Variants in FIRRM observed in about 807,000 individuals in gnomAD.
FIRRM encodes the protein FIGNL1 interacting regulator of recombination and mitosis, also known as FIGNL1-interacting regulator of recombination and mitosis.
At chr1:169,823,364 GAC>G in the FIRRM span, 2 of 1,204,776 alleles carry the variant, frequency 1.7e-6, no homozygotes, top group Non-Finnish European at 2.4e-6. Context: ...GTACTAAAGA[GAC>G]ATATTTTTAT....
the FIRRM span, chr1:169,823,425 C>T: frequency 6.2e-7 from 1 of 1,603,220 alleles, no homozygotes; most frequent in Admixed American, 1.7e-5. Flanking sequence ...TTCCTTTCCT[C>T]TCTGATTCTT....
At chr1:169,811,905 AGAGT>A in the FIRRM span, among the ~76,000 whole-genome samples, 5 of 148,644 alleles carry the variant, frequency 3.4e-5, no homozygotes, top group African/African-American at 1.0e-4. Flanking sequence ...CTTGGACAAC[AGAGT>A]GAGAGCCTGT....
At chr1:169,790,160 AC>A in the FIRRM span, among the ~76,000 whole-genome samples, 3 of 149,082 alleles carry the variant, frequency 2.0e-5, no homozygotes, top group East Asian at 3.9e-4. Context: ...GCTGTTTGAT[AC>A]CCCCACATTT....
At chr1:169,800,858 A>G in the FIRRM span, 1 of 1,220,500 alleles carries the variant, frequency 8.2e-7, no homozygotes, top group Non-Finnish European at 1.2e-6. Context: ...CAATATTTTT[A>G]TAAAATTTGT....
chr1:169,803,018 T>G, the FIRRM span: 2 of 697,614 alleles, frequency 2.9e-6, no homozygotes, highest in Non-Finnish European at 4.8e-6. Context: ...GTTGTTCCAG[T>G]ATTTGTAGTT....
chr1:169,817,219 G>A, the FIRRM span, among the ~76,000 whole-genome samples: 676 of 152,256 alleles, frequency 4.4e-3, 4 homozygotes, highest in African/African-American at 0.016. Context: ...CTTCATGAGA[G>A]TCCTGAAAAT....
the FIRRM span, chr1:169,853,541 C>T: frequency 3.0e-6 from 2 of 662,534 alleles, no homozygotes; most frequent in Admixed American, 5.4e-5. Context: ...GGCTTTTAGC[C>T]AGCACTCACA....
chr1:169,784,098 C>A, the FIRRM span, among the ~76,000 whole-genome samples: 2 of 152,188 alleles, frequency 1.3e-5, no homozygotes, highest in South Asian at 4.1e-4. Context: ...AATCAATACA[C>A]TTTTAAGAAT....
the FIRRM span, among the ~76,000 whole-genome samples, chr1:169,837,608 C>T: frequency 4.6e-5 from 7 of 152,176 alleles, no homozygotes; most frequent in African/African-American, 9.6e-5. Flanking sequence ...GTTGAAATTT[C>T]GAGTTTAGTG....
At chr1:169,844,030 A>G in the FIRRM span, among the ~76,000 whole-genome samples, 4 of 152,202 alleles carry the variant, frequency 2.6e-5, no homozygotes, top group South Asian at 2.1e-4. Flanking sequence ...ACTGTTAACT[A>G]CCCACTGCAA....
chr1:169,822,973 TG>T, the FIRRM span, among the ~76,000 whole-genome samples: 2 of 151,970 alleles, frequency 1.3e-5, no homozygotes, highest in African/African-American at 2.4e-5. Flanking sequence ...TTTTTAGTGC[TG>T]GGTGTGGTGG....
chr1:169,844,543 G>A, the FIRRM span, among the ~76,000 whole-genome samples: 5 of 152,218 alleles, frequency 3.3e-5, no homozygotes, highest in Admixed American at 6.5e-5. Context: ...GAACAGAAAG[G>A]AATGAAACTA....
the FIRRM span, chr1:169,821,559 G>A: frequency 8.5e-6 from 5 of 587,744 alleles, no homozygotes; most frequent in East Asian, 6.3e-5. Context: ...ATTTTATACT[G>A]TGTTTAAGAG....
the FIRRM span, among the ~76,000 whole-genome samples, chr1:169,833,340 G>C: frequency 8.0e-4 from 122 of 152,196 alleles, no homozygotes; most frequent in African/African-American, 2.8e-3. Flanking sequence ...CTATCATTAA[G>C]TTCCTGCGTG....
the FIRRM span, chr1:169,804,472 T>C: frequency 1.1e-5 from 3 of 268,870 alleles, no homozygotes; most frequent in Middle Eastern, 1.1e-3. Context: ...GATTAACTTA[T>C]ATAACTTTAT....
At chr1:169,839,836 C>T in the FIRRM span, among the ~76,000 whole-genome samples, 1 of 152,074 alleles carries the variant, frequency 6.6e-6, no homozygotes, top group East Asian at 1.9e-4. Context: ...TAGGTTTTTT[C>T]CTAGGATTCT....
chr1:169,785,257 C>T, the FIRRM span, among the ~76,000 whole-genome samples: 2 of 152,168 alleles, frequency 1.3e-5, no homozygotes, highest in African/African-American at 4.8e-5. Context: ...TGGGCTCTGG[C>T]CCCGTGGTAC....
chr1:169,846,441 C>G, the FIRRM span, among the ~76,000 whole-genome samples: 1 of 152,114 alleles, frequency 6.6e-6, no homozygotes, highest in African/African-American at 2.4e-5. Context: ...TATGAAAATC[C>G]TAGGTAGCAT....
At chr1:169,849,592 T>C in the FIRRM span, 1 of 1,612,480 alleles carries the variant, frequency 6.2e-7, no homozygotes, top group Non-Finnish European at 8.5e-7. Flanking sequence ...AGGCGTTTAC[T>C]CAGTTCGCTG....
Sources: allele counts gnomAD v4.1 joint callset (sites outside exome capture counted in the v4.1 genomes callset), GRCh38; gene constraint gnomAD v4.1.1; transcripts MANE v1.5; gene names NCBI Gene and HGNC (gene_info 2026-07-23, HGNC 2026-07-21).